Variants in LNPK observed in about 807,000 individuals in gnomAD.
LNPK encodes endoplasmic reticulum junction formation protein lunapark.
In LNPK, 29 loss-of-function variants were observed where a neutral mutation model predicts 55.2. That is an observed-to-expected ratio of 0.53 (90% CI 0.39 to 0.72). LNPK has a LOEUF of 0.72. LNPK is among the 30% of genes least tolerant of loss of function. The pLI is 0.00. For synonymous variants in LNPK, 162 were observed against 168.2 expected, an observed-to-expected ratio of 0.96 and a Z score of 0.29; for missense variants, 467 against 494.8, an observed-to-expected ratio of 0.94 and a Z score of 0.53.
At chr2:176,000,775 T>C (rs1322753661) in intron 1 of LNPK, among the ~76,000 whole-genome samples, 1 of 152,168 alleles carries the variant, frequency 6.6e-6, no homozygotes, top group Non-Finnish European at 1.5e-5. Flanking sequence ...ATTCTAACTT[T>C]CAAATGTCCT....
intron 8 of LNPK, 38 bp from the exon 9 acceptor site, chr2:175,947,730 T>C: frequency 7.1e-7 from 1 of 1,411,776 alleles, no homozygotes; most frequent in Non-Finnish European, 9.7e-7. Context: ...TAATTTCCAA[T>C]ATACCATATT....
chr2:175,993,348 C>T (rs1687784719), intron 2 of LNPK, 125 bp from the exon 3 acceptor site: 2 of 490,396 alleles, frequency 4.1e-6, no homozygotes, highest in South Asian at 1.0e-4. Flanking sequence ...AATATGCATT[C>T]TTGTTTATAA....
chr2:175,976,816 C>G (rs1367930324), intron 5 of LNPK, among the ~76,000 whole-genome samples: 2 of 152,194 alleles, frequency 1.3e-5, no homozygotes, highest in African/African-American at 4.8e-5. Context: ...TAGATTGGAA[C>G]TAAACCATTA....
At chr2:175,931,635 T>C (rs751095518) in intron 12 of LNPK, among the ~76,000 whole-genome samples, 25 of 152,202 alleles carry the variant, frequency 1.6e-4, no homozygotes, top group Non-Finnish European at 3.4e-4. Context: ...GTCCATAAAT[T>C]AATTTGTGCC....
At chr2:175,980,272 T>C (rs1010519142) in intron 4 of LNPK, among the ~76,000 whole-genome samples, 1 of 152,196 alleles carries the variant, frequency 6.6e-6, no homozygotes, top group East Asian at 1.9e-4. Flanking sequence ...AAAAATGCTT[T>C]TACAAATGTA....
intron 4 of LNPK, among the ~76,000 whole-genome samples, chr2:175,988,154 A>G (rs1323567821): frequency 6.6e-6 from 1 of 152,136 alleles, no homozygotes; most frequent in Admixed American, 6.5e-5. Flanking sequence ...CAACCATATC[A>G]TAAGCCCTAT....
chr2:175,962,006 T>G (rs1185275436), intron 8 of LNPK, among the ~76,000 whole-genome samples: 2 of 152,084 alleles, frequency 1.3e-5, no homozygotes, highest in Middle Eastern at 3.2e-3. Flanking sequence ...GAGATGTGAA[T>G]GACCTCTTCA....
chr2:175,988,529 A>C (rs1159770999), intron 4 of LNPK, among the ~76,000 whole-genome samples: 1 of 151,478 alleles, frequency 6.6e-6, no homozygotes, highest in Non-Finnish European at 1.5e-5. Flanking sequence ...AAAAAAAAAA[A>C]AAAAAAGCTA....
chr2:175,937,736 A>T (rs1024608440), intron 11 of LNPK: 1 of 379,776 alleles, frequency 2.6e-6, no homozygotes, highest in African/African-American at 2.1e-5. Flanking sequence ...CAGAAAAGGC[A>T]TAACAGGTTA....
At chr2:175,994,160 G>T in intron 2 of LNPK, 1 of 977,948 alleles carries the variant, frequency 1.0e-6, no homozygotes, top group South Asian at 4.7e-5. Flanking sequence ...AATCCAAGAG[G>T]GTAATGAATA....
chr2:175,973,162 A>G (rs1686738940), intron 5 of LNPK, among the ~76,000 whole-genome samples: 2 of 152,196 alleles, frequency 1.3e-5, no homozygotes, highest in South Asian at 4.1e-4. Flanking sequence ...TTAATTAAGA[A>G]CCATTATCAA....
At chr2:175,959,051 G>GA (rs1248305168) in intron 8 of LNPK, among the ~76,000 whole-genome samples, 3 of 152,186 alleles carry the variant, frequency 2.0e-5, no homozygotes, top group African/African-American at 4.8e-5. Context: ...AAGCATCCAA[G>GA]AAATATGGGA....
intron 9 of LNPK, among the ~76,000 whole-genome samples, chr2:175,945,101 G>A (rs957634548): frequency 4.0e-5 from 6 of 151,844 alleles, no homozygotes; most frequent in South Asian, 4.2e-4. Context: ...GTTTCACCGC[G>A]TTAGTCAGGC....
rs1684138182 is a variant in LNPK at position 175,928,838 on chromosome 2, TA to T, written c.*1128del. The T allele has an allele frequency of 6.6e-6, 1 of 152,374 alleles. No homozygotes were observed. The highest frequency in any genetic ancestry group is 2.4e-5 in the African/African-American group (1 of 41,460). 9.4% of individuals were successfully genotyped at this position (152,374 alleles called of 1,614,324 possible). ...ATCCAATTAACTACCAGCAACCCAC[TA>T]CCTATTCTCACAAAATTTGTTTCTC... On this transcript the variant is annotated 3_prime_UTR_variant, in exon 13 of 13. Transcript: ENST00000272748.
At chr2:175,995,169 C>G (rs1443835216) in intron 2 of LNPK, among the ~76,000 whole-genome samples, 3 of 152,062 alleles carry the variant, frequency 2.0e-5, no homozygotes, top group Non-Finnish European at 4.4e-5. Flanking sequence ...ATCTGCCCGC[C>G]TCAGCCTCCC....
At chr2:175,953,495 C>T (rs899266399) in intron 8 of LNPK, among the ~76,000 whole-genome samples, 6 of 152,056 alleles carry the variant, frequency 3.9e-5, no homozygotes, top group Admixed American at 3.9e-4. Flanking sequence ...CTTTATCTGG[C>T]TTAACATACT....
rs74696726 is a variant in LNPK at position 175,983,104 on chromosome 2, G to A, written c.258-3236C>T. On this transcript the variant is annotated intron_variant, in intron 4 of 12. Coordinates refer to ENST00000272748, the MANE Select transcript of LNPK (RefSeq NM_030650.3). ...GCATATTTCACAAAGAGGTAATAAG[G>A]TAAACTTTTCCAAGTGTAAAACTTA... is the stretch of plus-strand genomic sequence containing the variant. 8.0e-3 allele frequency among the ~76,000 whole-genome samples: 1,221 copies of A among 152,206 alleles called. 60 individuals are homozygous for A. The highest frequency in any genetic ancestry group is 0.056 in the Admixed American group (854 of 15,286).
At chr2:175,987,702 TA>T (rs1359191287) in intron 4 of LNPK, among the ~76,000 whole-genome samples, 2 of 152,036 alleles carry the variant, frequency 1.3e-5, no homozygotes, top group African/African-American at 4.8e-5. Context: ...TACATTCCTA[TA>T]TACAATCAGT....
chr2:175,951,584 CATATATATATATAT>C (rs56037027), intron 8 of LNPK, among the ~76,000 whole-genome samples: 10 of 90,732 alleles, frequency 1.1e-4, no homozygotes, highest in Admixed American at 3.4e-4. Context: ...TTCCATCATT[CATATATATATATAT>C]ATATATATAT....
Sources: allele counts gnomAD v4.1 joint callset (sites outside exome capture counted in the v4.1 genomes callset), GRCh38; gene constraint gnomAD v4.1.1; transcripts MANE v1.5; gene names NCBI Gene and HGNC (gene_info 2026-07-23, HGNC 2026-07-21).